AGL: variants seen among roughly 807,000 people sequenced by gnomAD.
The protein encoded by AGL is glycogen debranching enzyme.
In AGL, 128 loss-of-function variants were observed where a neutral mutation model predicts 199.3. The observed-to-expected ratio is 0.64, with a 90% CI of 0.56 to 0.74. AGL has a LOEUF of 0.74. Among genes scored for constraint, AGL ranks in the 30% least tolerant of loss-of-function variants. The pLI, the probability that AGL is intolerant of heterozygous loss-of-function variation, is 0.00. For missense variants in AGL, 1,809 were observed against 1,820.8 expected (o/e 0.99, Z 0.12); for synonymous variants, 584 against 594.7 (o/e 0.98, Z 0.26).
chr1:99,883,585 CTTCAA>C (rs1329765713), intron 17 of AGL, among the ~76,000 whole-genome samples: 1 of 152,052 alleles, frequency 6.6e-6, no homozygotes, highest in Non-Finnish European at 1.5e-5. Flanking sequence ...ATATATATAA[CTTCAA>C]TTCATTTTAA....
At chr1:99,873,468 C>G (rs1242760796) in intron 7 of AGL, among the ~76,000 whole-genome samples, 1 of 142,468 alleles carries the variant, frequency 7.0e-6, no homozygotes, top group Non-Finnish European at 1.5e-5. Context: ...GAGTTTCACT[C>G]TTGTCGCCTA....
chr1:99,898,042 C>T (rs1012952207), intron 25 of AGL, among the ~76,000 whole-genome samples: 1 of 148,790 alleles, frequency 6.7e-6, no homozygotes, highest in Admixed American at 6.9e-5. Flanking sequence ...CAAAGAATAG[C>T]TTTTACCTTT....
chr1:99,856,654 G>A (rs1649492482), intron 2 of AGL, among the ~76,000 whole-genome samples: 2 of 151,920 alleles, frequency 1.3e-5, no homozygotes. Context: ...CTCTTAGGGA[G>A]CATGCTGCCT....
At chr1:99,912,294 A>T in intron 28 of AGL, 111 bp from the exon 29 acceptor site, 1 of 819,652 alleles carries the variant, frequency 1.2e-6, no homozygotes, top group Admixed American at 2.5e-5. Context: ...GGATTTTTTA[A>T]TAGTTTTCAT....
chr1:99,886,108 A>G (rs572575773), intron 20 of AGL, among the ~76,000 whole-genome samples: 3 of 152,310 alleles, frequency 2.0e-5, no homozygotes, highest in Admixed American at 6.5e-5. Context: ...ATTATAACGT[A>G]GTGTTTAAGG....
intron 30 of AGL, 140 bp downstream of exon 30, chr1:99,913,878 CTAAT>C (rs1654928915): frequency 4.8e-6 from 4 of 835,158 alleles, no homozygotes; most frequent in Non-Finnish European, 7.9e-6. Context: ...ATAGTCTTTC[CTAAT>C]TAATCAAGTA....
intron 23 of AGL, 76 bp downstream of exon 23, chr1:99,891,815 T>TA: frequency 6.5e-7 from 1 of 1,547,118 alleles, no homozygotes; most frequent in South Asian, 1.1e-5. Flanking sequence ...TACATGTTCT[T>TA]AAAAAACCAA....
rs187874341 is a variant in AGL, at chr1:99,888,668, G to A, written c.2812+560G>A. Among the ~76,000 whole-genome samples the A allele has an allele frequency of 3.0e-4, 46 of 152,100 alleles. No individual in the cohort carries two copies. The East Asian group carries it at 6.6e-3, about 22-fold the overall frequency. ...TACAGTAGTTGTAAGATGAGTTAAAGGAATTAAGTATTTATCAGTTTTATT... is the reference window on the plus strand; with the variant it reads ...TACAGTAGTTGTAAGATGAGTTAAAAGAATTAAGTATTTATCAGTTTTATT... On this transcript the variant is annotated intron_variant, in intron 21 of 33. Transcript: ENST00000361915.
chr1:99,894,966 G>A (rs188877135), intron 24 of AGL, among the ~76,000 whole-genome samples: 45 of 152,328 alleles, frequency 3.0e-4, no homozygotes, highest in African/African-American at 1.0e-3. Flanking sequence ...GTGCTTTTAA[G>A]ATAGTTATAA....
chr1:99,882,726 A>G (rs988672673), intron 17 of AGL, among the ~76,000 whole-genome samples: 2 of 152,098 alleles, frequency 1.3e-5, no homozygotes, highest in East Asian at 3.8e-4. Context: ...CTTACTTACT[A>G]TTATATGTGG....
At chr1:99,853,048 C>T (rs900314124) in intron 2 of AGL, among the ~76,000 whole-genome samples, 2 of 152,148 alleles carry the variant, frequency 1.3e-5, no homozygotes, top group Non-Finnish European at 2.9e-5. Context: ...CTTCTCTTTT[C>T]CTGCAGTCTC....
At chr1:99,854,063 G>A (rs1455691655) in intron 2 of AGL, among the ~76,000 whole-genome samples, 2 of 151,790 alleles carry the variant, frequency 1.3e-5, no homozygotes, top group South Asian at 2.1e-4. Flanking sequence ...GCGTGGTGGC[G>A]CATGCCTATA....
At chr1:99,898,146 A>G (rs573269691) in intron 25 of AGL, among the ~76,000 whole-genome samples, 11 of 151,020 alleles carry the variant, frequency 7.3e-5, no homozygotes, top group Admixed American at 2.0e-4. Context: ...TCCCGGGTTC[A>G]TGCCATTCTT....
chr1:99,913,965 T>C (rs1204364729), intron 30 of AGL, among the ~76,000 whole-genome samples: 1 of 152,158 alleles, frequency 6.6e-6, no homozygotes, highest in East Asian at 1.9e-4. Context: ...ACTAATGAAG[T>C]GCTTCCTAGA....
intron 24 of AGL, among the ~76,000 whole-genome samples, chr1:99,894,967 A>T (rs907346539): frequency 2.6e-5 from 4 of 152,224 alleles, no homozygotes; most frequent in Non-Finnish European, 5.9e-5. Context: ...TGCTTTTAAG[A>T]TAGTTATAAG....
chr1:99,889,165 A>T (rs899140051), intron 21 of AGL, among the ~76,000 whole-genome samples: 2 of 152,198 alleles, frequency 1.3e-5, no homozygotes, highest in Non-Finnish European at 2.9e-5. Context: ...AGCTCATTAG[A>T]CGACACCTAA....
intron 11 of AGL, among the ~76,000 whole-genome samples, chr1:99,877,038 T>C (rs3766594): frequency 0.49 from 74,456 of 152,018 alleles, 18,853 homozygotes; most frequent in East Asian, 0.67. Flanking sequence ...CCCTCACTCT[T>C]AGTGTCTTGT....
Position 99,899,096 on chromosome 1 carries a change from TAG to T in AGL, c.3363-1533_3363-1532del, listed in dbSNP as rs1653583889. Among the ~76,000 whole-genome samples the T allele has an allele frequency of 3.3e-5, 5 of 150,922 alleles. No homozygotes were observed. In the South Asian group the frequency reaches 1.0e-3, roughly 32 times the overall value. The stretch of plus-strand genomic sequence containing the variant: ...AAAAAAACAAATATATATGTATATA[TAG>T]AGAGAGCTAGTATTCTGACCTTTTC... On this transcript the variant is annotated intron_variant, in intron 25 of 33. Transcript: ENST00000361915.
Position 99,915,449 on chromosome 1 carries a change from T to C in AGL, c.4222T>C (p.Leu1408=), listed in dbSNP as rs2100869019. ...AGCTTTGGAGATTGCAGAAAAAAAA[T>C]TGCTTGGTCCCCTTGGCATGAAAAC... is the stretch of plus-strand genomic sequence containing the variant. ...WKALEIAEKK[L]LGPLGMKTLD... Residue 1408 remains leucine (L), a synonymous_variant, in exon 31 of 34, where the codon TTG becomes CTG. Coordinates refer to ENST00000361915, the MANE Select transcript of AGL (RefSeq NM_000642.3). 1 of 1,613,824 alleles carries C rather than the reference T, an allele frequency of 6.2e-7. No homozygotes were observed.
Sources: allele counts gnomAD v4.1 joint callset (sites outside exome capture counted in the v4.1 genomes callset), GRCh38; gene constraint gnomAD v4.1.1; transcripts MANE v1.5; gene names NCBI Gene and HGNC (gene_info 2026-07-23, HGNC 2026-07-21).